The following AMOTL1 variants were observed in gnomAD, a reference collection of about 807,000 sequenced individuals.
AMOTL1 encodes angiomotin like 1, also known as angiomotin-like protein 1.
In AMOTL1, 45 loss-of-function variants were observed where a neutral mutation model predicts 102.9. That is an observed-to-expected ratio of 0.44 (90% CI 0.34 to 0.56). AMOTL1 has a LOEUF of 0.56. AMOTL1 is among the 20% of genes least tolerant of loss of function. AMOTL1 has a pLI of 0.01. For missense variants in AMOTL1, 1,114 were observed against 1,225.6 expected (o/e 0.91, Z 1.36); for synonymous variants, 481 against 484.7 (o/e 0.99, Z 0.10).
chr11:94,789,062 A>G (rs759757549), intron 1 of AMOTL1, among the ~76,000 whole-genome samples: 9 of 152,194 alleles, frequency 5.9e-5, no homozygotes, highest in Admixed American at 2.0e-4. Flanking sequence ...CTCGGGTTTC[A>G]GGTAATGGTT....
exon 1 of AMOTL1, chr11:94,706,527 T>C (rs1949932517): frequency 1.3e-5 from 2 of 152,234 alleles, no homozygotes; most frequent in Non-Finnish European, 2.9e-5. Context: ...ACACATTTGC[T>C]CTGTGAGTCC....
chr11:94,714,522 TGG>T (rs1017327926), intron 1 of AMOTL1, among the ~76,000 whole-genome samples: 1 of 152,076 alleles, frequency 6.6e-6, no homozygotes, highest in African/African-American at 2.4e-5. Flanking sequence ...AATTTCTTTT[TGG>T]AGAGATTTGT....
chr11:94,797,506 T>C (rs1336568381), intron 2 of AMOTL1, among the ~76,000 whole-genome samples: 1 of 152,238 alleles, frequency 6.6e-6, no homozygotes, highest in African/African-American at 2.4e-5. Flanking sequence ...GTTTAGACTC[T>C]TGTATAAATA....
intron 6 of AMOTL1, among the ~76,000 whole-genome samples, chr11:94,847,052 G>T (rs769381168): frequency 6.6e-6 from 1 of 152,196 alleles, no homozygotes; most frequent in Non-Finnish European, 1.5e-5. Context: ...GATACTAAAT[G>T]GTACTGCTGG....
At chr11:94,811,404 A>C (rs1348745348) in intron 3 of AMOTL1, among the ~76,000 whole-genome samples, 1 of 152,138 alleles carries the variant, frequency 6.6e-6, no homozygotes, top group Non-Finnish European at 1.5e-5. Flanking sequence ...CTGAGGCAGG[A>C]GAATCCCTTG....
At chr11:94,857,965 T>A (rs920397769) in intron 8 of AMOTL1, among the ~76,000 whole-genome samples, 1 of 152,208 alleles carries the variant, frequency 6.6e-6, no homozygotes, top group East Asian at 1.9e-4. Flanking sequence ...CCCTTGAATG[T>A]TGACATTCAT....
chr11:94,799,077 A>G lies in AMOTL1; in HGVS notation c.200-313A>G, dbSNP rs1431185105. Among the ~76,000 whole-genome samples, 1 of 151,896 alleles carries G rather than the reference A, an allele frequency of 6.6e-6. No homozygotes were observed. The highest frequency in any genetic ancestry group is 1.5e-5 in the Non-Finnish European group (1 of 67,956). On this transcript the variant is annotated intron_variant, in intron 2 of 12. Coordinates refer to ENST00000433060, the MANE Select transcript of AMOTL1 (RefSeq NM_130847.3). This position sits in a 1 kb window ranked among gnomAD's most constrained non-coding sequence, Gnocchi z 4.5. ...GGTTTTCTCTTGTATTTTTTTTTAA[A>G]TGGGAAAGACTTGGGTATATTTATG...
At chr11:94,858,124 T>C (rs4309121) in intron 8 of AMOTL1, among the ~76,000 whole-genome samples, 25,318 of 152,110 alleles carry the variant, frequency 0.17, 2,919 homozygotes, top group Admixed American at 0.36. Flanking sequence ...CAAGCATAGA[T>C]GGCAGCTTAG....
intron 1 of AMOTL1, among the ~76,000 whole-genome samples, chr11:94,707,250 C>CTCTCTCTCTCTCTCTGTG: frequency 1.4e-5 from 1 of 71,802 alleles, no homozygotes; most frequent in African/African-American, 4.0e-5. Flanking sequence ...CTCTCTCTCT[C>CTCTCTCTCTCTCTCTGTG]TGTGTGTGTG....
chr11:94,842,789 A>T (rs1952333039), intron 6 of AMOTL1, among the ~76,000 whole-genome samples: 1 of 151,152 alleles, frequency 6.6e-6, no homozygotes, highest in Non-Finnish European at 1.5e-5. Flanking sequence ...CATCTTCAGA[A>T]CTCCTCTCCT....
intron 11 of AMOTL1, among the ~76,000 whole-genome samples, chr11:94,868,681 C>T (rs1486764244): frequency 6.6e-6 from 1 of 152,170 alleles, no homozygotes; most frequent in African/African-American, 2.4e-5. Flanking sequence ...AGAAGAGCAG[C>T]AAGCCAATGG....
At chr11:94,741,601 C>T (rs1364323694) in intron 3 of AMOTL1, among the ~76,000 whole-genome samples, 2 of 152,140 alleles carry the variant, frequency 1.3e-5, no homozygotes, top group Middle Eastern at 3.4e-3. Context: ...ATGGGTGAAC[C>T]GGGACACTCT....
chr11:94,712,346 A>G (rs1950033059), intron 1 of AMOTL1, among the ~76,000 whole-genome samples: 1 of 152,088 alleles, frequency 6.6e-6, no homozygotes, highest in Non-Finnish European at 1.5e-5. Context: ...ACAAACATTC[A>G]CTCAAGATGA....
chr11:94,752,332 G>C (rs976544926), intron 3 of AMOTL1, among the ~76,000 whole-genome samples: 4 of 152,076 alleles, frequency 2.6e-5, no homozygotes, highest in Non-Finnish European at 5.9e-5. Context: ...GGACAGAAAA[G>C]GCAGTGCTTG....
At chr11:94,813,723 A>C (rs1477250137) in intron 3 of AMOTL1, among the ~76,000 whole-genome samples, 6 of 152,208 alleles carry the variant, frequency 3.9e-5, no homozygotes, top group Non-Finnish European at 8.8e-5. Flanking sequence ...ACAAGAGTGA[A>C]ATTCACAATG....
chr11:94,797,739 A>T (rs1171695308), intron 2 of AMOTL1, among the ~76,000 whole-genome samples: 2 of 152,216 alleles, frequency 1.3e-5, no homozygotes, highest in Non-Finnish European at 2.9e-5. Flanking sequence ...GGCTGGAGAG[A>T]GCTAGCATGT....
At chr11:94,777,854 G>A (rs1410951186) in intron 1 of AMOTL1, among the ~76,000 whole-genome samples, 1 of 152,160 alleles carries the variant, frequency 6.6e-6, no homozygotes, top group Non-Finnish European at 1.5e-5. Flanking sequence ...ACTCTGCTTT[G>A]TACAAGTCAA....
At chr11:94,762,117 C>T (rs1950801134) in intron 3 of AMOTL1, among the ~76,000 whole-genome samples, 1 of 152,086 alleles carries the variant, frequency 6.6e-6, no homozygotes, top group Non-Finnish European at 1.5e-5. Context: ...CACTGGAAAT[C>T]AGAGAGGAAA....
At chr11:94,814,418 C>T (rs755047924) in intron 3 of AMOTL1, among the ~76,000 whole-genome samples, 1 of 152,186 alleles carries the variant, frequency 6.6e-6, no homozygotes, top group Non-Finnish European at 1.5e-5. Context: ...AATGTGCAGG[C>T]AGGAGAGAAA....
Sources: allele counts gnomAD v4.1 joint callset (sites outside exome capture counted in the v4.1 genomes callset), GRCh38; gene constraint gnomAD v4.1.1; non-coding constraint Gnocchi (gnomAD v3.1); transcripts MANE v1.5; gene names NCBI Gene and HGNC (gene_info 2026-07-23, HGNC 2026-07-21).